NAALADL2: variants seen among roughly 807,000 people sequenced by gnomAD.
The protein encoded by NAALADL2 is N-acetylated alpha-linked acidic dipeptidase like 2, also known as inactive N-acetylated-alpha-linked acidic dipeptidase-like protein 2.
In NAALADL2, 76 loss-of-function variants were observed where a neutral mutation model predicts 87.2. That is an observed-to-expected ratio of 0.87 (90% CI 0.72 to 1.05). The LOEUF is 1.05. Among genes scored for constraint, NAALADL2 ranks in the 50% least tolerant of loss-of-function variants. The pLI is 0.00. For missense variants in NAALADL2, 1,089 were observed against 945.8 expected (o/e 1.15, Z -1.99); for synonymous variants, 354 against 331.0 (o/e 1.07, Z -0.75).
intron 13 of NAALADL2, among the ~76,000 whole-genome samples, chr3:175,774,463 T>C (rs2150189292): frequency 1.3e-5 from 2 of 152,198 alleles, no homozygotes; most frequent in African/African-American, 4.8e-5. Flanking sequence ...AATACCTGGC[T>C]TATTCCTACT....
intron 1 of NAALADL2, among the ~76,000 whole-genome samples, chr3:174,940,088 T>G (rs1044972784): frequency 1.3e-5 from 2 of 152,098 alleles, no homozygotes; most frequent in African/African-American, 4.8e-5. Context: ...GTACCAGTTT[T>G]CAAGAGGAAT....
At chr3:175,353,823 G>A (rs995875287) in intron 5 of NAALADL2, among the ~76,000 whole-genome samples, 4 of 152,090 alleles carry the variant, frequency 2.6e-5, no homozygotes, top group African/African-American at 9.7e-5. Flanking sequence ...AATACTTTCA[G>A]TGTCTATGAG....
intron 1 of NAALADL2, among the ~76,000 whole-genome samples, chr3:175,072,219 T>A (rs1242868814): frequency 6.6e-6 from 1 of 152,060 alleles, no homozygotes; most frequent in Non-Finnish European, 1.5e-5. Flanking sequence ...GAGTCATGTA[T>A]CCTGAATTCA....
intron 4 of NAALADL2, among the ~76,000 whole-genome samples, chr3:175,264,291 A>G (rs1419972970): frequency 6.6e-6 from 1 of 151,824 alleles, no homozygotes; most frequent in Non-Finnish European, 1.5e-5. Flanking sequence ...CTCTCAATTC[A>G]TAAGGTTGTG....
intron 3 of NAALADL2, among the ~76,000 whole-genome samples, chr3:174,770,146 A>T (rs549391019): frequency 7.2e-4 from 110 of 152,340 alleles, no homozygotes; most frequent in Admixed American, 8.5e-4. Context: ...ATGCATGTAC[A>T]TGAAGAGAAC....
At chr3:174,669,710 C>T (rs949658376) in intron 2 of NAALADL2, among the ~76,000 whole-genome samples, 2 of 151,820 alleles carry the variant, frequency 1.3e-5, no homozygotes, top group Non-Finnish European at 2.9e-5. Context: ...AAGATTGTTT[C>T]CGTTATTTGG....
intron 2 of NAALADL2, among the ~76,000 whole-genome samples, chr3:174,575,591 A>T (rs1242186613): frequency 2.0e-5 from 3 of 152,206 alleles, no homozygotes; most frequent in Non-Finnish European, 4.4e-5. Context: ...CAGTGGCCAG[A>T]AACTATGAGG....
intron 2 of NAALADL2, among the ~76,000 whole-genome samples, chr3:174,646,702 TTG>T (rs1723821087): frequency 6.6e-6 from 1 of 152,158 alleles, no homozygotes; most frequent in African/African-American, 2.4e-5. Flanking sequence ...TAAAAATTAA[TTG>T]TCTTTAAAAT....
At chr3:174,979,565 A>G (rs1744845278) in intron 1 of NAALADL2, among the ~76,000 whole-genome samples, 1 of 152,000 alleles carries the variant, frequency 6.6e-6, no homozygotes, top group South Asian at 2.1e-4. Context: ...TCGGCCTCCC[A>G]AAGTGCTGGG....
intron 1 of NAALADL2, among the ~76,000 whole-genome samples, chr3:175,054,506 C>T (rs991308113): frequency 6.6e-5 from 10 of 152,076 alleles, no homozygotes; most frequent in South Asian, 2.1e-4. Context: ...TTCTTAATTT[C>T]GAAAACTGGA....
intron 2 of NAALADL2, among the ~76,000 whole-genome samples, chr3:174,717,829 A>G (rs1343193342): frequency 6.6e-6 from 1 of 152,142 alleles, no homozygotes; most frequent in African/African-American, 2.4e-5. Context: ...ACCTTTTACA[A>G]GAAGTTTCCT....
intron 13 of NAALADL2, among the ~76,000 whole-genome samples, chr3:175,755,825 G>A (rs926165873): frequency 1.3e-5 from 2 of 151,618 alleles, no homozygotes; most frequent in Admixed American, 1.3e-4. Flanking sequence ...TACATTTTAT[G>A]TTGGAGTTCA....
chr3:174,882,915 T>G (rs1729603715), intron 1 of NAALADL2, among the ~76,000 whole-genome samples: 1 of 150,744 alleles, frequency 6.6e-6, no homozygotes, highest in African/African-American at 2.4e-5. Flanking sequence ...ATATATATGT[T>G]TGTATATATA....
At chr3:175,082,390 C>G (rs947265557) in intron 1 of NAALADL2, among the ~76,000 whole-genome samples, 6 of 152,078 alleles carry the variant, frequency 3.9e-5, no homozygotes, top group Non-Finnish European at 7.4e-5. Flanking sequence ...CATTATGCAA[C>G]TAATTTGACT....
At chr3:174,846,874 AT>A (rs1724680644) in intron 3 of NAALADL2, among the ~76,000 whole-genome samples, 1 of 152,098 alleles carries the variant, frequency 6.6e-6, no homozygotes, top group African/African-American at 2.4e-5. Flanking sequence ...ACTATAGGAG[AT>A]ATAAGACCAT....
At chr3:175,674,931 CTT>C (rs1734557812) in intron 11 of NAALADL2, among the ~76,000 whole-genome samples, 1 of 152,038 alleles carries the variant, frequency 6.6e-6, no homozygotes, top group Admixed American at 6.6e-5. Flanking sequence ...AAATATCAAA[CTT>C]AATAGCAAAG....
chr3:175,278,746 G>A (rs940735042), intron 4 of NAALADL2, among the ~76,000 whole-genome samples: 2 of 152,122 alleles, frequency 1.3e-5, no homozygotes, highest in African/African-American at 4.8e-5. Flanking sequence ...GATAAACTGA[G>A]GGAGGGCCTC....
At chr3:175,226,527 A>G (rs944437004) in intron 2 of NAALADL2, among the ~76,000 whole-genome samples, 1 of 152,126 alleles carries the variant, frequency 6.6e-6, no homozygotes, top group Non-Finnish European at 1.5e-5. Flanking sequence ...TCAGTGTAGA[A>G]TAGTAGAAAA....
intron 3 of NAALADL2, among the ~76,000 whole-genome samples, chr3:175,239,643 T>C (rs767558169): frequency 2.0e-5 from 3 of 152,208 alleles, no homozygotes; most frequent in Non-Finnish European, 1.5e-5. Context: ...TGCAGTTTTA[T>C]GGAGAAACTT....
Sources: gnomAD v4.1 joint callset for allele counts (sites outside exome capture counted in the v4.1 genomes callset) on GRCh38, gnomAD v4.1.1 for gene constraint, MANE v1.5 for transcripts, NCBI Gene and HGNC (gene_info 2026-07-23, HGNC 2026-07-21) for gene names.